The following PCDH9 variants were observed in gnomAD, a reference collection of about 807,000 sequenced individuals.
PCDH9 encodes the protein protocadherin-9.
In PCDH9, 24 loss-of-function variants were observed where a neutral mutation model predicts 70.6. The ratio of observed to expected loss-of-function variants is 0.34; its 90% CI spans 0.25 to 0.48. PCDH9 has a LOEUF of 0.48. Among genes scored for constraint, PCDH9 ranks in the 20% least tolerant of loss-of-function variants. The pLI is 0.99. For missense variants in PCDH9, 1,281 were observed against 1,503.6 expected, an observed-to-expected ratio of 0.85 and a Z score of 2.45; for synonymous variants, 562 against 558.5, an observed-to-expected ratio of 1.01 and a Z score of -0.09.
chr13:66,438,368 A>G (rs990647564), intron 4 of PCDH9, among the ~76,000 whole-genome samples: 1 of 152,184 alleles, frequency 6.6e-6, no homozygotes, highest in Non-Finnish European at 1.5e-5. Context: ...AAGGTAAACT[A>G]TTTTATCTGA....
intron 4 of PCDH9, among the ~76,000 whole-genome samples, chr13:66,519,968 T>C (rs568394698): frequency 6.6e-6 from 1 of 152,274 alleles, no homozygotes; most frequent in African/African-American, 2.4e-5. Flanking sequence ...GTGTATTTTC[T>C]GTTACTCAGA....
chr13:66,409,905 G>A (rs1957341806), intron 4 of PCDH9, among the ~76,000 whole-genome samples: 1 of 152,076 alleles, frequency 6.6e-6, no homozygotes, highest in Non-Finnish European at 1.5e-5. Flanking sequence ...TCCACATTCT[G>A]AAAAGTTAAA....
chr13:66,454,142 CTTGT>C (rs1000692588), intron 4 of PCDH9, among the ~76,000 whole-genome samples: 1 of 151,540 alleles, frequency 6.6e-6, no homozygotes, highest in African/African-American at 2.4e-5. Context: ...CCAAATAAGA[CTTGT>C]TTTTTTCTTT....
At chr13:66,312,566 GC>G (rs577957164) in intron 4 of PCDH9, among the ~76,000 whole-genome samples, 219 of 149,996 alleles carry the variant, frequency 1.5e-3, no homozygotes, top group Middle Eastern at 0.014. Context: ...AGCAGTGATC[GC>G]ACCACTGCAC....
chr13:66,670,297 G>T (rs1056251224), intron 3 of PCDH9, among the ~76,000 whole-genome samples: 5 of 152,078 alleles, frequency 3.3e-5, no homozygotes, highest in Admixed American at 1.3e-4. Flanking sequence ...TAACCTAAGT[G>T]GTCTAAGTAA....
In PCDH9 at chr13:66,332,385, A is replaced by G. The variant is rs567508639; in HGVS notation, c.3341-27357T>C. ...CATTTTGTCGAAAGAGAATGTTACC[A>G]AGCCCTTTCATTAATACAATCTACA... On this transcript the variant is annotated intron_variant, in intron 4 of 4. Coordinates refer to ENST00000377865, the MANE Select transcript of PCDH9 (RefSeq NM_203487.3). Among the ~76,000 whole-genome samples, 8 of 151,102 alleles carry G rather than the reference A, an allele frequency of 5.3e-5. No homozygotes were observed. The East Asian group carries it at 9.8e-4, about 18-fold the overall frequency.
intron 4 of PCDH9, among the ~76,000 whole-genome samples, chr13:66,417,322 C>A (rs960505464): frequency 6.6e-6 from 1 of 152,098 alleles, no homozygotes; most frequent in Non-Finnish European, 1.5e-5. Flanking sequence ...ATGATGGTTT[C>A]CAGCTTCATC....
intron 3 of PCDH9, among the ~76,000 whole-genome samples, chr13:66,818,762 T>C (rs9540921): frequency 0.97 from 147,556 of 152,006 alleles, 71,767 homozygotes; most frequent in East Asian, 1. Flanking sequence ...GAAACCCCGT[T>C]TCTACTAAAA....
chr13:67,016,958 G>GTT (rs11407105), intron 2 of PCDH9, among the ~76,000 whole-genome samples: 19 of 151,330 alleles, frequency 1.3e-4, no homozygotes, highest in African/African-American at 4.6e-4. Context: ...TTCTACTAGG[G>GTT]TTTTTTTTTC....
At chr13:66,751,308 G>C (rs187809834) in intron 3 of PCDH9, among the ~76,000 whole-genome samples, 22 of 152,100 alleles carry the variant, frequency 1.4e-4, no homozygotes, top group African/African-American at 5.3e-4. Context: ...TGACTTCAAA[G>C]AGAAATTTTC....
intron 4 of PCDH9, among the ~76,000 whole-genome samples, chr13:66,564,728 A>G (rs533126534): frequency 2.4e-4 from 37 of 152,194 alleles, no homozygotes; most frequent in African/African-American, 8.7e-4. Context: ...TGAAATTCTA[A>G]CACATTTTAC....
chr13:66,347,221 T>C (rs1022513082), intron 4 of PCDH9, among the ~76,000 whole-genome samples: 3 of 149,318 alleles, frequency 2.0e-5, no homozygotes, highest in African/African-American at 7.4e-5. Flanking sequence ...TTTAATGTAT[T>C]CATGTTTCTG....
intron 2 of PCDH9, among the ~76,000 whole-genome samples, chr13:67,085,142 T>G (rs2086081593): frequency 6.6e-6 from 1 of 150,986 alleles, no homozygotes; most frequent in Non-Finnish European, 1.5e-5. Flanking sequence ...ATTCTCTATG[T>G]TTTCCTTTAA....
chr13:66,364,192 G>A (rs1047726689), intron 4 of PCDH9, among the ~76,000 whole-genome samples: 1 of 151,840 alleles, frequency 6.6e-6, no homozygotes, highest in African/African-American at 2.4e-5. Context: ...GAAAGAAACA[G>A]TTTATTTTCT....
intron 4 of PCDH9, among the ~76,000 whole-genome samples, chr13:66,340,483 T>A (rs1341263205): frequency 2.0e-5 from 3 of 152,202 alleles, no homozygotes; most frequent in Admixed American, 1.3e-4. Context: ...CAAACAAAAC[T>A]GAGTTCCTTT....
chr13:66,735,720 T>G (rs1362880526), intron 3 of PCDH9, among the ~76,000 whole-genome samples: 2 of 152,074 alleles, frequency 1.3e-5, no homozygotes, highest in Non-Finnish European at 2.9e-5. Flanking sequence ...TCCCAGCACT[T>G]TGGGAGGGTG....
At chr13:66,753,390 T>C (rs2079489947) in intron 3 of PCDH9, among the ~76,000 whole-genome samples, 1 of 152,200 alleles carries the variant, frequency 6.6e-6, no homozygotes, top group Admixed American at 6.6e-5. Flanking sequence ...AGAGAAATCA[T>C]GTTTGAGATG....
At position 66,866,311 on chromosome 13, in the gene PCDH9, T is replaced by A. The variant is rs536789548; in HGVS notation, c.3138+37193A>T. On this transcript the variant is annotated intron_variant, in intron 3 of 4. Transcript: ENST00000377865. ...TCCTGGCTAATACGGTGAAACCCCG[T>A]CTCTATTAAAAATACAAAAAATTAG... 6.6e-5 allele frequency among the ~76,000 whole-genome samples: 10 copies of A among 150,596 alleles called. No homozygotes were observed. In the East Asian group the frequency reaches 2.0e-3, roughly 30 times the overall value.
chr13:66,377,047 T>C (rs186472009), intron 4 of PCDH9, among the ~76,000 whole-genome samples: 9 of 152,318 alleles, frequency 5.9e-5, no homozygotes, highest in Non-Finnish European at 1.2e-4. Flanking sequence ...GCACAGAATG[T>C]AATAGGTACG....
Sources: gnomAD v4.1 joint callset for allele counts (sites outside exome capture counted in the v4.1 genomes callset) on GRCh38, gnomAD v4.1.1 for gene constraint, MANE v1.5 for transcripts, NCBI Gene and HGNC (gene_info 2026-07-23, HGNC 2026-07-21) for gene names.